Variants in RAB27B observed in about 807,000 individuals in gnomAD.
The protein encoded by RAB27B is RAB27B, member RAS oncogene family, also known as ras-related protein Rab-27B.
In RAB27B, 15 loss-of-function variants were observed where a neutral mutation model predicts 24.6. That is an observed-to-expected ratio of 0.61 (90% CI 0.41 to 0.94). The LOEUF is 0.94. RAB27B is among the 40% of genes least tolerant of loss of function. RAB27B has a pLI of 0.00. For synonymous variants in RAB27B, 105 were observed against 92.5 expected (o/e 1.14, Z -0.78); for missense variants, 261 against 266.8 (o/e 0.98, Z 0.15).
intron 2 of RAB27B, among the ~76,000 whole-genome samples, chr18:54,804,689 T>C (rs1325365747): frequency 1.3e-5 from 2 of 152,172 alleles, no homozygotes; most frequent in Admixed American, 6.5e-5. Flanking sequence ...GTGTAATACA[T>C]GATCCAGAAC....
At chr18:54,849,061 C>A (rs143960737) in intron 1 of RAB27B, among the ~76,000 whole-genome samples, 1 of 152,174 alleles carries the variant, frequency 6.6e-6, no homozygotes, top group Non-Finnish European at 1.5e-5. Context: ...GAGTCCTGAG[C>A]TGATTTTTCA....
chr18:54,788,178 G>C (rs1909147241), intron 2 of RAB27B, among the ~76,000 whole-genome samples: 1 of 152,182 alleles, frequency 6.6e-6, no homozygotes, highest in African/African-American at 2.4e-5. Flanking sequence ...AAATTTCATT[G>C]AAAGAGGCAC....
chr18:54,877,664 T>C lies in RAB27B; in HGVS notation c.79T>C (p.Tyr27His). ...AGGGGTGGGGAAGACAACATTTCTTTATAGATACACAGATAATAAATTCAA... is the reference window on the plus strand; with the variant it reads ...AGGGGTGGGGAAGACAACATTTCTTCATAGATACACAGATAATAAATTCAA... ...DSGVGKTTFL[Y>H]RYTDNKFNPK... Residue 27 changes from tyrosine to histidine, a missense_variant, in exon 2 of 6, where the codon TAT becomes CAT. Physicochemically the swap from Tyr to His is moderately conservative, Grantham distance 83 (BLOSUM62 2). Coordinates refer to ENST00000262094, the MANE Select transcript of RAB27B (RefSeq NM_004163.4). 6.3e-7 allele frequency: 1 copy of C among 1,597,634 alleles called. No homozygotes were observed. The highest frequency in any genetic ancestry group is 1.1e-5 in the South Asian group (1 of 87,380).
chr18:54,788,240 T>C lies in RAB27B; in HGVS notation c.-20+70099T>C, dbSNP rs140295904. 5.2e-3 allele frequency among the ~76,000 whole-genome samples: 790 copies of C among 152,304 alleles called. 5 individuals carry two copies. The highest frequency in any genetic ancestry group is 0.034 in the Middle Eastern group (10 of 294). ...AGCATTTTAATATTTGTATGAGTAA[T>C]TGCTAATTGTACATGGTACTAAAGT... On this transcript the variant is annotated intron_variant, in intron 2 of 4. Transcript: ENST00000586570.
At chr18:54,804,898 CTCTCTCTCTTTCTT>C (rs1909729252) in intron 2 of RAB27B, among the ~76,000 whole-genome samples, 1 of 32,972 alleles carries the variant, frequency 3.0e-5, no homozygotes, top group Non-Finnish European at 1.1e-4. Flanking sequence ...CTTTCTCTTT[CTCTCTCTCTTTCTT>C]TCTTTCTTTC....
chr18:54,810,938 C>A (rs1347815922), intron 2 of RAB27B, among the ~76,000 whole-genome samples: 2 of 151,998 alleles, frequency 1.3e-5, no homozygotes, highest in Non-Finnish European at 2.9e-5. Flanking sequence ...GACCAGGAAT[C>A]ATGGCTTTTG....
At chr18:54,867,493 A>G (rs2145251318) in intron 1 of RAB27B, among the ~76,000 whole-genome samples, 1 of 140,980 alleles carries the variant, frequency 7.1e-6, no homozygotes, top group South Asian at 2.3e-4. Context: ...GTTGCCCAGA[A>G]TGGAGTGCAG....
At chr18:54,802,211 C>T (rs1016207023) in intron 2 of RAB27B, among the ~76,000 whole-genome samples, 1 of 152,188 alleles carries the variant, frequency 6.6e-6, no homozygotes, top group African/African-American at 2.4e-5. Context: ...ACAGAAAACA[C>T]ACACCCCTGT....
At chr18:54,829,137 T>C (rs1910580583) in intron 1 of RAB27B, among the ~76,000 whole-genome samples, 1 of 152,256 alleles carries the variant, frequency 6.6e-6, no homozygotes, top group Non-Finnish European at 1.5e-5. Flanking sequence ...AAGACATTTA[T>C]ATGCACTTCC....
intron 2 of RAB27B, among the ~76,000 whole-genome samples, chr18:54,763,276 TTCA>T (rs1304063391): frequency 7.2e-5 from 11 of 152,316 alleles, no homozygotes; most frequent in Middle Eastern, 3.4e-3. Context: ...TGTTAATAAA[TTCA>T]TCATTTTATA....
intron 4 of RAB27B, among the ~76,000 whole-genome samples, chr18:54,887,756 T>C (rs2145294215): frequency 6.6e-6 from 1 of 152,326 alleles, no homozygotes; most frequent in African/African-American, 2.4e-5. Context: ...ATGTTGGGTA[T>C]TGATACAGGT....
intron 1 of RAB27B, among the ~76,000 whole-genome samples, chr18:54,846,251 T>C (rs1911332926): frequency 6.6e-6 from 1 of 152,206 alleles, no homozygotes; most frequent in African/African-American, 2.4e-5. Flanking sequence ...AACTATATAT[T>C]ATATAAGATA....
intron 1 of RAB27B, among the ~76,000 whole-genome samples, chr18:54,836,671 T>C (rs1444626950): frequency 6.6e-6 from 1 of 152,042 alleles, no homozygotes; most frequent in Non-Finnish European, 1.5e-5. Context: ...TATTTTTGAC[T>C]TATTTTTCAG....
chr18:54,785,445 T>TG (rs1909054470), intron 2 of RAB27B, among the ~76,000 whole-genome samples: 1 of 147,456 alleles, frequency 6.8e-6, no homozygotes, highest in African/African-American at 2.6e-5. Context: ...GGTTTTTTTT[T>TG]TTTTTTTTTT....
chr18:54,833,897 G>A (rs531913159), intron 1 of RAB27B, among the ~76,000 whole-genome samples: 2 of 152,152 alleles, frequency 1.3e-5, no homozygotes, highest in Non-Finnish European at 1.5e-5. Flanking sequence ...GAGTCTGGAG[G>A]CACCAATGGG....
At chr18:54,779,053 T>A (rs1908807344) in intron 2 of RAB27B, among the ~76,000 whole-genome samples, 2 of 152,158 alleles carry the variant, frequency 1.3e-5, no homozygotes, top group South Asian at 4.1e-4. Flanking sequence ...TTGGCCAGGA[T>A]GGTCTCAATC....
intron 2 of RAB27B, among the ~76,000 whole-genome samples, chr18:54,813,938 G>A (rs1910044740): frequency 6.6e-6 from 1 of 152,154 alleles, no homozygotes; most frequent in Non-Finnish European, 1.5e-5. Context: ...AACTCTGATA[G>A]CCAAGCTCTT....
intron 1 of RAB27B, among the ~76,000 whole-genome samples, chr18:54,859,511 C>G (rs534603288): frequency 1.3e-5 from 2 of 150,804 alleles, no homozygotes; most frequent in Admixed American, 6.6e-5. Flanking sequence ...ATCACCTATT[C>G]GAAAGCTAAA....
upstream of RAB27B, among the ~76,000 whole-genome samples, chr18:54,826,569 A>G (rs1910483565): frequency 6.6e-6 from 1 of 152,202 alleles, no homozygotes; most frequent in African/African-American, 2.4e-5. Flanking sequence ...TATCCCTGCA[A>G]GAGTTGGCCC....
Sources: allele counts gnomAD v4.1 joint callset (sites outside exome capture counted in the v4.1 genomes callset), GRCh38; gene constraint gnomAD v4.1.1; transcripts MANE v1.5; gene names NCBI Gene and HGNC (gene_info 2026-07-23, HGNC 2026-07-21).